Variants in BRINP3 observed in about 807,000 individuals in gnomAD.
The protein encoded by BRINP3 is BMP/retinoic acid inducible neural specific 3.
BRINP3 carries 19 observed loss-of-function variants against 71.0 expected under a neutral mutation model. The ratio of observed to expected loss-of-function variants is 0.27; its 90% confidence interval spans 0.19 to 0.39. The LOEUF (loss-of-function observed/expected upper bound fraction) is 0.39, where lower values mean the gene tolerates loss of function less well. Among genes scored for constraint, BRINP3 ranks in the 10% least tolerant of loss-of-function variants. The pLI is 1.00. For missense variants in BRINP3, 959 were observed against 940.8 expected (o/e 1.02, Z -0.25); for synonymous variants, 380 against 337.7 (o/e 1.13, Z -1.37).
intron 2 of BRINP3, among the ~76,000 whole-genome samples, chr1:190,397,211 CT>C (rs1558249665): frequency 6.6e-6 from 1 of 151,958 alleles, no homozygotes; most frequent in African/African-American, 2.4e-5. Flanking sequence ...GACTTCTGGC[CT>C]TTTGCATACC....
chr1:190,373,798 T>C (rs988194714), intron 2 of BRINP3, among the ~76,000 whole-genome samples: 1 of 151,646 alleles, frequency 6.6e-6, no homozygotes, highest in Admixed American at 6.6e-5. Context: ...GAAGTAATTG[T>C]GGTTCGTGCA....
intron 7 of BRINP3, among the ~76,000 whole-genome samples, chr1:190,159,750 G>T (rs779121192): frequency 1.3e-5 from 2 of 151,828 alleles, no homozygotes; most frequent in Admixed American, 6.6e-5. Context: ...CAATGAAAAT[G>T]ACCTCACCTT....
intron 7 of BRINP3, among the ~76,000 whole-genome samples, chr1:190,159,622 T>C (rs1306052821): frequency 6.6e-6 from 1 of 151,948 alleles, no homozygotes; most frequent in African/African-American, 2.4e-5. Context: ...ATGTCCAAAA[T>C]AGGCAAATCT....
intron 2 of BRINP3, among the ~76,000 whole-genome samples, chr1:190,362,902 T>A (rs1208159225): frequency 1.3e-5 from 2 of 152,208 alleles, no homozygotes; most frequent in African/African-American, 4.8e-5. Flanking sequence ...ATCAGCAGCA[T>A]GACAATGGAC....
chr1:190,178,671 A>G (rs1652769057), intron 6 of BRINP3, among the ~76,000 whole-genome samples: 2 of 152,156 alleles, frequency 1.3e-5, no homozygotes, highest in East Asian at 3.9e-4. Flanking sequence ...TAGAAATTGA[A>G]TTCCATTTTT....
intron 3 of BRINP3, among the ~76,000 whole-genome samples, chr1:190,267,752 A>T (rs1661781952): frequency 6.6e-6 from 1 of 152,106 alleles, no homozygotes; most frequent in Admixed American, 6.6e-5. Context: ...TAGAGCATTT[A>T]CTTAAAAACA....
chr1:190,104,746 A>G (rs539228648), intron 7 of BRINP3, among the ~76,000 whole-genome samples: 1 of 152,170 alleles, frequency 6.6e-6, no homozygotes, highest in African/African-American at 2.4e-5. Context: ...AACGCTTTTC[A>G]CTGAAGTATT....
intron 4 of BRINP3, among the ~76,000 whole-genome samples, chr1:190,248,971 A>G (rs1030134316): frequency 6.6e-6 from 1 of 151,810 alleles, no homozygotes; most frequent in East Asian, 1.9e-4. Flanking sequence ...CCTATCAGCT[A>G]TATTTCTTTA....
chr1:190,432,036 G>A (rs1258206617), intron 2 of BRINP3, among the ~76,000 whole-genome samples: 1 of 151,984 alleles, frequency 6.6e-6, no homozygotes, highest in Non-Finnish European at 1.5e-5. Context: ...GGAGAACACC[G>A]TTAACAAACA....
intron 6 of BRINP3, among the ~76,000 whole-genome samples, chr1:190,175,745 CCTAT>C (rs1288562585): frequency 3.9e-5 from 6 of 152,164 alleles, no homozygotes; most frequent in Non-Finnish European, 8.8e-5. Context: ...CTATGTATCA[CCTAT>C]CTATCTATCG....
At position 190,434,405 on chromosome 1, in the gene BRINP3, C is replaced by T. The variant is rs555706097; in HGVS notation, c.236+20250G>A. 3.9e-3 allele frequency among the ~76,000 whole-genome samples: 599 copies of T among 152,098 alleles called. 4 individuals carry two copies. Among genetic ancestry groups the T allele is most frequent in the African/African-American group, 0.014 (579 of 41,504 alleles). The stretch of plus-strand genomic sequence containing the variant: ...GATTACAGGCATGACCCACCGTTCC[C>T]AGCCCAAAATAATGGTTCTTTAGGT... On this transcript the variant is annotated intron_variant, in intron 2 of 7. Transcript: ENST00000367462.
At chr1:190,295,797 C>T (rs2102980712) in intron 2 of BRINP3, among the ~76,000 whole-genome samples, 1 of 152,268 alleles carries the variant, frequency 6.6e-6, no homozygotes, top group East Asian at 1.9e-4. Context: ...CAGTTTCTCT[C>T]TCCACACTGC....
intron 6 of BRINP3, among the ~76,000 whole-genome samples, chr1:190,165,666 T>C (rs992666176): frequency 5.7e-5 from 8 of 140,310 alleles, no homozygotes; most frequent in African/African-American, 2.3e-4. Context: ...TATGAGTTCC[T>C]TTGTCTTCTG....
intron 6 of BRINP3, among the ~76,000 whole-genome samples, chr1:190,215,094 GA>G (rs5779515): frequency 0.54 from 71,530 of 131,604 alleles, 18,169 homozygotes; most frequent in Admixed American, 0.65. Context: ...TAGCTATTAT[GA>G]AAAAAAAAAA....
At chr1:190,105,023 A>G (rs1652030214) in intron 7 of BRINP3, among the ~76,000 whole-genome samples, 1 of 152,086 alleles carries the variant, frequency 6.6e-6, no homozygotes, top group South Asian at 2.1e-4. Context: ...TACTTTAAAT[A>G]TAAATTTGGA....
intron 4 of BRINP3, among the ~76,000 whole-genome samples, chr1:190,264,134 T>C (rs982754102): frequency 2.0e-4 from 30 of 152,214 alleles, no homozygotes; most frequent in Non-Finnish European, 3.7e-4. Context: ...TGCCAGAGAA[T>C]ATGTCTAAAA....
At chr1:190,250,622 T>C (rs908340365) in intron 4 of BRINP3, among the ~76,000 whole-genome samples, 7 of 151,948 alleles carry the variant, frequency 4.6e-5, no homozygotes, top group African/African-American at 1.7e-4. Context: ...CAGCATTATA[T>C]GTAATAGGAA....
chr1:190,108,481 CT>C, intron 7 of BRINP3, among the ~76,000 whole-genome samples: 1 of 151,604 alleles, frequency 6.6e-6, no homozygotes, highest in East Asian at 1.9e-4. Flanking sequence ...CATGACTTTG[CT>C]TTTCAGGGAG....
intron 2 of BRINP3, among the ~76,000 whole-genome samples, chr1:190,380,710 G>A (rs1670492761): frequency 6.6e-6 from 1 of 152,038 alleles, no homozygotes; most frequent in Non-Finnish European, 1.5e-5. Flanking sequence ...TCTACAGGCA[G>A]AGTATACTTC....
Sources: gnomAD v4.1 joint callset for allele counts (sites outside exome capture counted in the v4.1 genomes callset) on GRCh38, gnomAD v4.1.1 for gene constraint, MANE v1.5 for transcripts, NCBI Gene and HGNC (gene_info 2026-07-23, HGNC 2026-07-21) for gene names.